The following PRPF39 variants were observed in gnomAD, a reference collection of about 807,000 sequenced individuals.
PRPF39 encodes the protein pre-mRNA processing factor 39.
A neutral mutation model predicts 82.1 loss-of-function variants in PRPF39; 27 were observed. The observed-to-expected ratio is 0.33, with a 90% CI of 0.24 to 0.45. The LOEUF is 0.45. PRPF39 is among the 20% of genes least tolerant of loss of function. The pLI, the probability that PRPF39 is intolerant of heterozygous loss-of-function variation, is 1.00. For missense variants in PRPF39, 581 were observed against 796.9 expected (o/e 0.73, Z 3.26); for synonymous variants, 261 against 256.4 (o/e 1.02, Z -0.17).
chr14:45,094,814 C>T (rs1389729662), intron 1 of PRPF39, among the ~76,000 whole-genome samples: 2 of 152,064 alleles, frequency 1.3e-5, no homozygotes, highest in Non-Finnish European at 2.9e-5. Flanking sequence ...TACTTTTAGC[C>T]TCCAGAACAG....
At chr14:45,096,552 G>GCTACGTCTT (rs1884207099) in intron 3 of PRPF39, 1 of 1,432,094 alleles carries the variant, frequency 7.0e-7, no homozygotes, top group African/African-American at 1.4e-5. Context: ...AATATAGTTG[G>GCTACGTCTT]TTTGCTAGTC....
At chr14:45,085,135 A>C (rs1331565345) in intron 1 of PRPF39, among the ~76,000 whole-genome samples, 1 of 152,166 alleles carries the variant, frequency 6.6e-6, no homozygotes, top group Non-Finnish European at 1.5e-5. Flanking sequence ...TTGAAACTTA[A>C]GTGTTTTAGG....
chr14:45,102,703 G>T lies in PRPF39; in HGVS notation c.737+7G>T. The stretch of plus-strand genomic sequence containing the variant: ...ATAGTCATCATTTTCAGAGGTAGGT[G>T]GGAAATTCTGATCATTGAAACATCT... On this transcript the variant is annotated splice_region_variant and intron_variant, in intron 5 of 13. Coordinates refer to ENST00000355765, the MANE Select transcript of PRPF39 (RefSeq NM_017922.4). The T allele has an allele frequency of 6.3e-7, 1 of 1,578,480 alleles. No homozygotes were observed. The highest frequency in any genetic ancestry group is 1.9e-5 in the Admixed American group (1 of 53,312).
chr14:45,091,967 A>C (rs150936106), intron 1 of PRPF39, among the ~76,000 whole-genome samples: 2 of 152,328 alleles, frequency 1.3e-5, no homozygotes, highest in African/African-American at 4.8e-5. Flanking sequence ...TGATGATGTC[A>C]AGGTTGGTAT....
At chr14:45,107,677 G>A (rs1457352969) in intron 6 of PRPF39, 61 bp downstream of exon 6, 21 of 1,481,424 alleles carry the variant, frequency 1.4e-5, no homozygotes, top group African/African-American at 4.2e-5. Flanking sequence ...GCCTGTAATC[G>A]CAGCACTTTG....
rs576063749 is a variant in PRPF39 at position 45,110,256 on chromosome 14, T to C, written c.1303+36T>C. On this transcript the variant is annotated intron_variant, in intron 9 of 13. Transcript: ENST00000355765. This position sits in a 1 kb window ranked among gnomAD's most constrained non-coding sequence, Gnocchi z 4.0. Reference sequence around the variant, plus strand: ...AGAAATTCAGTTGACATTTTTGAGATTTTAAGTTATTTCAGGAAACAGTGA... The same window carrying C: ...AGAAATTCAGTTGACATTTTTGAGACTTTAAGTTATTTCAGGAAACAGTGA... The C allele has an allele frequency of 4.4e-6, 7 of 1,608,552 alleles. No homozygotes were observed. In the East Asian group the frequency reaches 1.6e-4, roughly 36 times the overall value.
rs537483251 is a variant in PRPF39 at position 45,099,437 on chromosome 14, A to T, written c.569+2432A>T. Among the ~76,000 whole-genome samples the T allele has an allele frequency of 1.7e-4, 25 of 150,316 alleles. No individual in the cohort carries two copies. The South Asian group carries it at 2.9e-3, about 18-fold the overall frequency. On this transcript the variant is annotated intron_variant, in intron 4 of 13. Coordinates refer to ENST00000355765, the MANE Select transcript of PRPF39 (RefSeq NM_017922.4). ...TTGTATTGGATTTTTAACATCTTCC[A>T]TCAGATTATTATTATTTTTTTTTTT...
chr14:45,096,369 TG>T, intron 3 of PRPF39, 141 bp downstream of exon 3: 1 of 1,530,882 alleles, frequency 6.5e-7, no homozygotes, highest in Admixed American at 2.0e-5. Flanking sequence ...GGTATTTATT[TG>T]CATTTGTCAC....
At chr14:45,090,211 A>G (rs1883976338) in intron 1 of PRPF39, among the ~76,000 whole-genome samples, 1 of 152,246 alleles carries the variant, frequency 6.6e-6, no homozygotes, top group South Asian at 2.1e-4. Flanking sequence ...GGAAGAGGGA[A>G]AAAGAACAAA....
At chr14:45,089,759 G>T (rs1376989973) in intron 1 of PRPF39, among the ~76,000 whole-genome samples, 2 of 152,060 alleles carry the variant, frequency 1.3e-5, no homozygotes, top group Non-Finnish European at 2.9e-5. Context: ...ATTTTATGTT[G>T]CTAGTTGAAA....
chr14:45,101,568 T>C (rs1237249606), intron 4 of PRPF39, among the ~76,000 whole-genome samples: 1 of 151,740 alleles, frequency 6.6e-6, no homozygotes, highest in African/African-American at 2.4e-5. Flanking sequence ...CAGGTTCAAG[T>C]GATTCTCATG....
intron 12 of PRPF39, 38 bp downstream of exon 12, chr14:45,114,295 A>G: frequency 6.8e-7 from 1 of 1,472,242 alleles, no homozygotes; most frequent in Non-Finnish European, 9.3e-7. Context: ...GGCGTGCTTC[A>G]TTATGGAAAT....
intron 5 of PRPF39, among the ~76,000 whole-genome samples, chr14:45,105,383 TGA>T (rs1357795773): frequency 6.6e-6 from 1 of 152,198 alleles, no homozygotes; most frequent in Non-Finnish European, 1.5e-5. Flanking sequence ...ACTACATATT[TGA>T]GAGTTACTTC....
chr14:45,093,171 C>A (rs1027614258), intron 1 of PRPF39, among the ~76,000 whole-genome samples: 1 of 151,820 alleles, frequency 6.6e-6, no homozygotes. Flanking sequence ...TTTTCTGTAT[C>A]AATACAGATG....
intron 6 of PRPF39, 126 bp downstream of exon 6, chr14:45,107,742 A>C: frequency 1.2e-6 from 1 of 854,634 alleles, no homozygotes; most frequent in Non-Finnish European, 1.8e-6. Context: ...CCATGTAGGC[A>C]ACATGGTGAA....
chr14:45,114,787 T>TA (rs1884792223), intron 13 of PRPF39, 70 bp from the exon 14 acceptor site: 5 of 1,431,032 alleles, frequency 3.5e-6, no homozygotes, highest in Non-Finnish European at 3.9e-6. Flanking sequence ...ATAGCTGCTT[T>TA]AATTATACTT....
rs1280676078 is a variant in PRPF39, at chr14:45,095,738, G to T, written c.324+175G>T. 1.8e-5 allele frequency: 15 copies of T among 820,834 alleles called. No homozygotes were observed. In the Middle Eastern group the frequency reaches 1.5e-3, roughly 82 times the overall value. 50.8% of individuals were successfully genotyped at this position (820,834 alleles called of 1,614,324 possible). A position where few individuals can be genotyped will look rare whatever the true frequency, so the allele number is the denominator to read the frequency against. On this transcript the variant is annotated intron_variant, in intron 2 of 13. Coordinates refer to ENST00000355765, the MANE Select transcript of PRPF39 (RefSeq NM_017922.4). Reference sequence around the variant, plus strand: ...TGAAAATAGCTTACAGCTTTTGTATGTTGTAGAGAGTCAGTAGTGTCAAAG... The same window carrying T: ...TGAAAATAGCTTACAGCTTTTGTATTTTGTAGAGAGTCAGTAGTGTCAAAG...
chr14:45,104,813 T>C (rs929040702), intron 5 of PRPF39, among the ~76,000 whole-genome samples: 4 of 152,166 alleles, frequency 2.6e-5, no homozygotes, highest in African/African-American at 9.7e-5. Context: ...GTCTGATAAC[T>C]TCCCAAAGGG....
intron 4 of PRPF39, among the ~76,000 whole-genome samples, chr14:45,099,341 GTT>G (rs1261165995): frequency 6.6e-6 from 1 of 151,874 alleles, no homozygotes; most frequent in African/African-American, 2.4e-5. Context: ...TAATTACTGA[GTT>G]TTTCTTTTCT....
Sources: gnomAD v4.1 joint callset for allele counts (sites outside exome capture counted in the v4.1 genomes callset) on GRCh38, gnomAD v4.1.1 for gene constraint, Gnocchi (gnomAD v3.1) non-coding constraint, MANE v1.5 for transcripts, NCBI Gene and HGNC (gene_info 2026-07-23, HGNC 2026-07-21) for gene names.